GABRG3: variants seen among roughly 807,000 people sequenced by gnomAD.
GABRG3 encodes the protein gamma-aminobutyric acid type A receptor subunit gamma3, also known as gamma-aminobutyric acid receptor subunit gamma-3.
A neutral mutation model predicts 48.8 loss-of-function variants in GABRG3; 25 were observed. That is an observed-to-expected ratio of 0.51 (90% confidence interval 0.37 to 0.72). The LOEUF is 0.72. Ranked by LOEUF, GABRG3 falls within the 30% of genes least tolerant of loss-of-function variation. GABRG3 has a pLI of 0.00. For missense variants in GABRG3, 394 were observed against 577.9 expected, an observed-to-expected ratio of 0.68 and a Z score of 3.26; for synonymous variants, 227 against 217.6, an observed-to-expected ratio of 1.04 and a Z score of -0.38.
chr15:27,512,025 G>A (rs143989360), intron 6 of GABRG3, among the ~76,000 whole-genome samples: 76 of 152,174 alleles, frequency 5.0e-4, no homozygotes, highest in Admixed American at 3.2e-3. Context: ...TGACTGGGAG[G>A]GAGCCCAAAC....
chr15:27,419,400 T>C (rs1329440602), intron 5 of GABRG3, among the ~76,000 whole-genome samples: 2 of 152,192 alleles, frequency 1.3e-5, no homozygotes, highest in Non-Finnish European at 2.9e-5. Context: ...CTCAATTGTC[T>C]AGCATAGTCT....
At chr15:26,982,553 A>G (rs568762513) in intron 2 of GABRG3, among the ~76,000 whole-genome samples, 1 of 152,334 alleles carries the variant, frequency 6.6e-6, no homozygotes, top group African/African-American at 2.4e-5. Flanking sequence ...AGCGCTTGCA[A>G]GAAGATATAT....
intron 3 of GABRG3, among the ~76,000 whole-genome samples, chr15:27,210,424 G>A (rs185233272): frequency 3.3e-3 from 497 of 152,304 alleles, no homozygotes; most frequent in Non-Finnish European, 5.9e-3. Flanking sequence ...TTGTCCTCCT[G>A]GCTTTGAGCT....
intron 3 of GABRG3, among the ~76,000 whole-genome samples, chr15:27,135,762 A>C (rs1421652711): frequency 6.6e-6 from 1 of 152,050 alleles, no homozygotes; most frequent in East Asian, 1.9e-4. Context: ...AAAATTAGCC[A>C]GTCATGGTGG....
intron 3 of GABRG3, among the ~76,000 whole-genome samples, chr15:27,188,844 G>C (rs948143875): frequency 6.6e-6 from 1 of 151,570 alleles, no homozygotes; most frequent in Non-Finnish European, 1.5e-5. Flanking sequence ...TTTCTTCTAG[G>C]GTTTTTATGG....
chr15:27,519,506 A>G (rs981626958), intron 6 of GABRG3, among the ~76,000 whole-genome samples: 3 of 152,236 alleles, frequency 2.0e-5, no homozygotes, highest in African/African-American at 7.2e-5. Context: ...AAACTTAAAG[A>G]TATAAATAAA....
At chr15:27,045,807 G>C (rs1254340907) in intron 3 of GABRG3, among the ~76,000 whole-genome samples, 2 of 152,220 alleles carry the variant, frequency 1.3e-5, no homozygotes, top group Non-Finnish European at 2.9e-5. Context: ...CCCGTGCCCA[G>C]GTCTTTCCTC....
At chr15:27,250,800 C>T (rs886098959) in intron 3 of GABRG3, among the ~76,000 whole-genome samples, 2 of 152,106 alleles carry the variant, frequency 1.3e-5, no homozygotes, top group African/African-American at 2.4e-5. Flanking sequence ...TCAATTAAGT[C>T]GGAGGTGGGA....
At chr15:27,391,193 G>A (rs1322503950) in intron 5 of GABRG3, among the ~76,000 whole-genome samples, 2 of 151,998 alleles carry the variant, frequency 1.3e-5, no homozygotes, top group Admixed American at 1.3e-4. Flanking sequence ...TAGAAAAATA[G>A]CTTCTCTTTT....
intron 5 of GABRG3, among the ~76,000 whole-genome samples, chr15:27,448,932 G>A (rs1455359700): frequency 1.3e-5 from 2 of 152,164 alleles, no homozygotes; most frequent in Non-Finnish European, 2.9e-5. Flanking sequence ...CTTTCAGGCA[G>A]ACTCAGGAAA....
intron 3 of GABRG3, among the ~76,000 whole-genome samples, chr15:27,232,366 T>C (rs1889825399): frequency 6.6e-6 from 1 of 152,228 alleles, no homozygotes; most frequent in African/African-American, 2.4e-5. Flanking sequence ...ACGCGTCTGG[T>C]TTGAACTGCA....
intron 2 of GABRG3, among the ~76,000 whole-genome samples, chr15:26,986,114 T>A (rs1895146843): frequency 6.6e-6 from 1 of 152,158 alleles, no homozygotes; most frequent in Non-Finnish European, 1.5e-5. Flanking sequence ...GTTCATGTAG[T>A]TCAGCCTGGC....
At chr15:27,344,783 G>C (rs1443500225) in intron 5 of GABRG3, among the ~76,000 whole-genome samples, 1 of 151,996 alleles carries the variant, frequency 6.6e-6, no homozygotes, top group Non-Finnish European at 1.5e-5. Flanking sequence ...TATTTACTCG[G>C]AGGGGTGTTT....
At chr15:27,116,244 C>T (rs182882377) in intron 3 of GABRG3, among the ~76,000 whole-genome samples, 27 of 152,276 alleles carry the variant, frequency 1.8e-4, no homozygotes, top group Middle Eastern at 3.4e-3. Flanking sequence ...TGCCCAAAGA[C>T]GGAACCTAGC....
rs560533079 is a variant in GABRG3 at position 27,220,803 on chromosome 15, C to T, written c.271-106006C>T. Among the ~76,000 whole-genome samples, 24 of 152,190 alleles carry T rather than the reference C, an allele frequency of 1.6e-4. 1 individual carries two copies. Among genetic ancestry groups the T allele is most frequent in the African/African-American group, 5.8e-4 (24 of 41,552 alleles). ...GGAAGGGACTCAGAACTTGAGGATT[C>T]AAGATTTTTCCTTTATTTCCATGCC... is the stretch of plus-strand genomic sequence containing the variant. On this transcript the variant is annotated intron_variant, in intron 3 of 9. Coordinates refer to ENST00000615808, the MANE Select transcript of GABRG3 (RefSeq NM_033223.5).
At chr15:27,061,486 C>A (rs951902987) in intron 3 of GABRG3, among the ~76,000 whole-genome samples, 3 of 150,442 alleles carry the variant, frequency 2.0e-5, no homozygotes, top group African/African-American at 7.4e-5. Context: ...TCATATTTTG[C>A]CCTTTCACTA....
intron 5 of GABRG3, among the ~76,000 whole-genome samples, chr15:27,477,416 G>C (rs1045678198): frequency 6.6e-6 from 1 of 152,160 alleles, no homozygotes; most frequent in African/African-American, 2.4e-5. Flanking sequence ...TGCAGGGAAG[G>C]GTTGGAGGGA....
At chr15:27,224,534 G>A (rs1889550917) in intron 3 of GABRG3, among the ~76,000 whole-genome samples, 1 of 152,194 alleles carries the variant, frequency 6.6e-6, no homozygotes, top group Non-Finnish European at 1.5e-5. Flanking sequence ...TTAAAGCCCA[G>A]GGTGATGTCA....
rs144945762 is a variant in GABRG3 at position 27,328,929 on chromosome 15, G to C, written c.574+41G>C. On this transcript the variant is annotated intron_variant, in intron 5 of 9. Coordinates refer to ENST00000615808, the MANE Select transcript of GABRG3 (RefSeq NM_033223.5). Reference sequence around the variant, plus strand: ...AGCCCGGGGTGTGCATGCTGTGTGAGGGATGCCTAGCCTGGTACTGCTTCT... The same window carrying C: ...AGCCCGGGGTGTGCATGCTGTGTGACGGATGCCTAGCCTGGTACTGCTTCT... 2.9e-4 allele frequency: 431 copies of C among 1,482,604 alleles called. 2 individuals are homozygous for C. The highest frequency in any genetic ancestry group is 2.4e-3 in the East Asian group (107 of 44,228). 91.8% of individuals were successfully genotyped at this position (1,482,604 alleles called of 1,614,324 possible).
Sources: allele counts gnomAD v4.1 joint callset (sites outside exome capture counted in the v4.1 genomes callset), GRCh38; gene constraint gnomAD v4.1.1; transcripts MANE v1.5; gene names NCBI Gene and HGNC (gene_info 2026-07-23, HGNC 2026-07-21).